The following TPRA1 variants were observed in gnomAD, a reference collection of about 807,000 sequenced individuals.
TPRA1 encodes transmembrane protein adipocyte associated 1.
In TPRA1, 28 loss-of-function variants were observed where a neutral mutation model predicts 40.1. That is an observed-to-expected ratio of 0.70 (90% CI 0.52 to 0.96). TPRA1 has a LOEUF of 0.96. TPRA1 is among the 40% of genes least tolerant of loss of function. The probability of loss-of-function intolerance (pLI) is 0.00; values close to 1 mark genes in which losing one functional copy is unlikely to be tolerated. For synonymous variants in TPRA1, 219 were observed against 209.7 expected (o/e 1.04, Z -0.38); for missense variants, 441 against 482.6 (o/e 0.91, Z 0.81).
chr3:127,576,101 T>C lies in TPRA1; in HGVS notation c.499-51A>G. 6.9e-7 allele frequency: 1 copy of C among 1,453,806 alleles called. No homozygotes were observed. The highest frequency in any genetic ancestry group is 9.6e-7 in the Non-Finnish European group (1 of 1,042,314). The allele number at this position is 1,453,806 out of a possible 1,614,324, so 90.1% of individuals were successfully genotyped here. A position where few individuals can be genotyped will look rare whatever the true frequency, so the allele number is the denominator to read the frequency against. ...AAGGGAGAGGATCTCAAGGCTTCTC[T>C]CTCCCAGGGGCTTTCCCTGATGCAA... On this transcript the variant is annotated intron_variant, in intron 6 of 10. Coordinates refer to ENST00000355552, the MANE Select transcript of TPRA1 (RefSeq NM_001136053.4). The surrounding 1 kb of genome is among the most constrained non-coding windows in gnomAD (Gnocchi z 4.6).
rs760743789 is a variant in TPRA1, at chr3:127,573,710, G to A, written c.933C>T (p.Pro311=). ...GGCCCTCCCGCCGGGCCACAGCGTA[G>A]GGCTGGGGTAGGTGTACATCTGGCT... ...TEEPDVHLPQ[P]YAVARREGLE... is the part of the protein sequence containing the mutation. The change falls in exon 11 of 11, where the codon CCC becomes CCT. Residue 311 remains proline (P), a synonymous_variant. Coordinates refer to ENST00000355552, the MANE Select transcript of TPRA1 (RefSeq NM_001136053.4). The A allele has an allele frequency of 6.2e-7, 1 of 1,612,798 alleles. No homozygotes were observed. Among genetic ancestry groups the A allele is most frequent in the Admixed American group, 1.7e-5 (1 of 59,976 alleles).
chr3:127,582,535 T>C (rs1353792267), intron 1 of TPRA1, among the ~76,000 whole-genome samples: 2 of 151,816 alleles, frequency 1.3e-5, no homozygotes, highest in Middle Eastern at 3.4e-3. Context: ...ACCCCATCTC[T>C]ACTAAAAAAT....
At position 127,575,466 on chromosome 3, in the gene TPRA1, A is replaced by G. The variant is rs2073575174; in HGVS notation, c.710T>C (p.Leu237Pro). The change falls in exon 9 of 11, where the codon CTG (leucine) becomes CCG (proline). Residue 237 changes from leucine to proline, a missense_variant. Physicochemically the swap from Leu to Pro is moderately conservative, Grantham distance 98. Coordinates refer to ENST00000355552, the MANE Select transcript of TPRA1 (RefSeq NM_001136053.4). ...SFYVYAGILA[L>P]LNLLQGLGSV... ...CCCCAGCCCCTGCAGTAGGTTGAGC[A>G]GTGCCAGGATGCCCGCATACACGTA... The G allele has an allele frequency of 6.2e-7, 1 of 1,601,450 alleles. No homozygotes were observed. Among genetic ancestry groups the G allele is most frequent in the Non-Finnish European group, 8.5e-7 (1 of 1,174,450 alleles).
intron 1 of TPRA1, 198 bp from the exon 2 acceptor site, chr3:127,580,361 A>C: frequency 1.7e-6 from 1 of 583,336 alleles, no homozygotes; most frequent in Non-Finnish European, 3.0e-6. Flanking sequence ...CCAGTCCCCC[A>C]TCTCAGGCTC....
At chr3:127,579,959 C>A in intron 2 of TPRA1, 63 bp downstream of exon 2, 1 of 1,609,434 alleles carries the variant, frequency 6.2e-7, no homozygotes, top group South Asian at 1.1e-5. Flanking sequence ...CCCTCACCAC[C>A]CCCCTACACC....
rs761011954 is a variant in TPRA1, at chr3:127,576,800, A to G, written c.418+21T>C. 1.2e-6 allele frequency: 2 copies of G among 1,613,830 alleles called. No individual in the cohort carries two copies. Among genetic ancestry groups the G allele is most frequent in the Admixed American group, 1.7e-5 (1 of 60,010 alleles). On this transcript the variant is annotated intron_variant, in intron 5 of 10. Transcript: ENST00000355552. The surrounding 1 kb of genome is among the most constrained non-coding windows in gnomAD (Gnocchi z 4.6). ...CAGGGGAGAGCATCGCCAGGGCCCA[A>G]GAGCCCAGCGGTACACACACCAAAG... is the stretch of plus-strand genomic sequence containing the variant.
At position 127,575,982 on chromosome 3, in the gene TPRA1, C is replaced by T; in HGVS notation, c.567G>A (p.Gly189=). ...SAEDFNIYGH[G]GRQFWLVSSC... is the part of the protein sequence containing the mutation. The stretch of plus-strand genomic sequence containing the variant: ...AGCTGACCAGCCAGAACTGGCGGCC[C>T]CCATGGCCATAGATATTAAAGTCCT... Residue 189 remains glycine (G), a synonymous_variant, in exon 7 of 11, where the codon GGG becomes GGA. Coordinates refer to ENST00000355552, the MANE Select transcript of TPRA1 (RefSeq NM_001136053.4). The T allele has an allele frequency of 6.2e-7, 1 of 1,614,082 alleles. No homozygotes were observed.
chr3:127,580,301 C>T (rs1221422069), intron 1 of TPRA1, 138 bp from the exon 2 acceptor site: 1 of 984,522 alleles, frequency 1.0e-6, no homozygotes, highest in East Asian at 2.6e-5. Context: ...CCCACTGCAG[C>T]TCAGTGTGGG....
At chr3:127,581,800 T>C (rs1176103872) in intron 1 of TPRA1, among the ~76,000 whole-genome samples, 2 of 150,358 alleles carry the variant, frequency 1.3e-5, no homozygotes, top group East Asian at 3.9e-4. Context: ...CATGTGCCTA[T>C]AGTCCCAGCT....
intron 3 of TPRA1, among the ~76,000 whole-genome samples, chr3:127,578,354 C>G (rs2073716388): frequency 6.6e-6 from 1 of 152,322 alleles, no homozygotes; most frequent in Non-Finnish European, 1.5e-5. Flanking sequence ...CACTGGGGCA[C>G]AGAGAGACCA....
At chr3:127,591,537 C>CT (rs1308762596), upstream of TPRA1, among the ~76,000 whole-genome samples, 4 of 152,306 alleles carry the variant, frequency 2.6e-5, no homozygotes, top group African/African-American at 9.6e-5. Flanking sequence ...CCATGCGGGT[C>CT]TCTGTTTCTG....
chr3:127,587,137 T>G (rs970249031), intron 1 of TPRA1: 1 of 152,184 alleles, frequency 6.6e-6, no homozygotes, highest in South Asian at 2.1e-4. Context: ...TGATCTAAAT[T>G]ATTATTAGAA....
chr3:127,572,475 C>A lies in TPRA1; in HGVS notation c.*1046G>T, dbSNP rs915847593. 6.6e-6 allele frequency among the ~76,000 whole-genome samples: 1 copy of A among 152,244 alleles called. No homozygotes were observed. The highest frequency in any genetic ancestry group is 6.5e-5 in the Admixed American group (1 of 15,290). ...GACAAGTGGGCCCCTCTCCCCTACT[C>A]ATGCCTTATGATCCCAGTGCTTTGC... On this transcript the variant is annotated 3_prime_UTR_variant, in exon 11 of 11. Transcript: ENST00000355552.
chr3:127,584,980 G>A (rs974492409), intron 1 of TPRA1, among the ~76,000 whole-genome samples: 7 of 151,970 alleles, frequency 4.6e-5, no homozygotes, highest in Admixed American at 6.6e-5. Flanking sequence ...CCTGTACGAG[G>A]GTAACAGAGC....
Position 127,573,344 on chromosome 3 carries a change from G to T in TPRA1, c.*177C>A. On this transcript the variant is annotated 3_prime_UTR_variant, in exon 11 of 11. Coordinates refer to ENST00000355552, the MANE Select transcript of TPRA1 (RefSeq NM_001136053.4). ...GAGGAGGGTCCCCAGTGAGAGCAGA[G>T]ATGGCAAAGGGGATTGGGAGCCCCA... 2.6e-6 allele frequency: 2 copies of T among 759,150 alleles called. No homozygotes were observed. Among genetic ancestry groups the T allele is most frequent in the East Asian group, 2.7e-5 (1 of 36,588 alleles). The allele number at this position is 759,150 out of a possible 1,614,324, so 47.0% of individuals were successfully genotyped here.
rs903281293 is a variant in TPRA1 at position 127,572,313 on chromosome 3, C to G, written c.*1208G>C. ...GCCAGGGCTGAGACCTCCCCAGGCTCTGAAGCATGCAGTTGGCTGTGTCCT... is the reference window on the plus strand; with the variant it reads ...GCCAGGGCTGAGACCTCCCCAGGCTGTGAAGCATGCAGTTGGCTGTGTCCT... On this transcript the variant is annotated 3_prime_UTR_variant, in exon 11 of 11. Coordinates refer to ENST00000355552, the MANE Select transcript of TPRA1 (RefSeq NM_001136053.4). Among the ~76,000 whole-genome samples, 10 of 152,258 alleles carry G rather than the reference C, an allele frequency of 6.6e-5. No homozygotes were observed. Among genetic ancestry groups the G allele is most frequent in the Non-Finnish European group, 1.2e-4 (8 of 68,042 alleles).
intron 3 of TPRA1, 97 bp downstream of exon 3, chr3:127,579,643 G>T: frequency 1.5e-6 from 2 of 1,371,906 alleles, no homozygotes; most frequent in Non-Finnish European, 2.0e-6. Flanking sequence ...CCTGGATCCA[G>T]CCATACCTGA....
At chr3:127,593,745 A>T (rs1020492712), upstream of TPRA1, among the ~76,000 whole-genome samples, 1 of 152,184 alleles carries the variant, frequency 6.6e-6, no homozygotes, top group African/African-American at 2.4e-5. Flanking sequence ...ACTATTGCAG[A>T]TTCAGCCAAG....
rs746827009 is a variant in TPRA1, at chr3:127,575,528, C to G, written c.671-23G>C. Reference sequence around the variant, plus strand: ...GAGCTGGGGGCCGGACAGGGTGGGTCGTGAGGTCCCACCCTGGACAGGCCA... The same window carrying G: ...GAGCTGGGGGCCGGACAGGGTGGGTGGTGAGGTCCCACCCTGGACAGGCCA... On this transcript the variant is annotated intron_variant, in intron 8 of 10. Coordinates refer to ENST00000355552, the MANE Select transcript of TPRA1 (RefSeq NM_001136053.4). The G allele has an allele frequency of 2.6e-6, 4 of 1,526,856 alleles. No homozygotes were observed. The East Asian group carries it at 7.1e-5, about 27-fold the overall frequency. 94.6% of individuals were successfully genotyped at this position (1,526,856 alleles called of 1,614,324 possible). A position where few individuals can be genotyped will look rare whatever the true frequency, so the allele number is the denominator to read the frequency against.
Sources: allele counts gnomAD v4.1 joint callset (sites outside exome capture counted in the v4.1 genomes callset), GRCh38; gene constraint gnomAD v4.1.1; non-coding constraint Gnocchi (gnomAD v3.1); transcripts MANE v1.5; gene names NCBI Gene and HGNC (gene_info 2026-07-23, HGNC 2026-07-21).